Variants in ARHGEF4 observed in about 807,000 individuals in gnomAD.
The protein encoded by ARHGEF4 is APC-stimulated guanine nucleotide exchange factor 1.
In ARHGEF4, 119 loss-of-function variants were observed where a neutral mutation model predicts 162.0. That is an observed-to-expected ratio of 0.73 (90% CI 0.63 to 0.86). ARHGEF4 has a LOEUF of 0.86. Ranked by LOEUF, ARHGEF4 falls within the 40% of genes least tolerant of loss-of-function variation. The probability of loss-of-function intolerance (pLI) is 0.00; values close to 1 mark genes in which losing one functional copy is unlikely to be tolerated. For synonymous variants in ARHGEF4, 1,014 were observed against 979.9 expected (o/e 1.03, Z -0.65); for missense variants, 2,488 against 2,456.0 (o/e 1.01, Z -0.28).
At chr2:130,979,907 A>G (rs1686008518) in intron 4 of ARHGEF4, among the ~76,000 whole-genome samples, 1 of 152,090 alleles carries the variant, frequency 6.6e-6, no homozygotes, top group Non-Finnish European at 1.5e-5. Context: ...TAGAGAGGAA[A>G]CTTTCTCAAA....
intron 1 of ARHGEF4, among the ~76,000 whole-genome samples, chr2:130,878,028 T>C (rs1678964764): frequency 6.6e-6 from 1 of 152,170 alleles, no homozygotes; most frequent in Middle Eastern, 3.2e-3. Flanking sequence ...GAGGAGATGA[T>C]GGCACTCCTC....
intron 1 of ARHGEF4, among the ~76,000 whole-genome samples, chr2:130,895,827 C>T (rs892502376): frequency 6.6e-6 from 1 of 151,960 alleles, no homozygotes; most frequent in Non-Finnish European, 1.5e-5. Context: ...ACAGGAAGAG[C>T]CTTTAATTTG....
intron 1 of ARHGEF4, among the ~76,000 whole-genome samples, chr2:130,865,100 A>G (rs1403098480): frequency 6.6e-6 from 1 of 152,250 alleles, no homozygotes; most frequent in Non-Finnish European, 1.5e-5. Context: ...GGATTTGATT[A>G]TGAAATCTAC....
At chr2:131,045,676 G>A in intron 13 of ARHGEF4, 1 of 1,481,876 alleles carries the variant, frequency 6.7e-7, no homozygotes, top group South Asian at 1.4e-5. Flanking sequence ...CCCAGATCAG[G>A]GCCATTGGTG....
intron 8 of ARHGEF4, 102 bp downstream of exon 8, chr2:131,040,542 A>G (rs753805026): frequency 1.5e-6 from 2 of 1,311,714 alleles, no homozygotes; most frequent in African/African-American, 1.5e-5. Flanking sequence ...ACCTTCCACA[A>G]CGCCTGGGCC....
chr2:130,856,253 T>A (rs1439259387), intron 1 of ARHGEF4, among the ~76,000 whole-genome samples: 4 of 152,202 alleles, frequency 2.6e-5, no homozygotes, highest in Non-Finnish European at 2.9e-5. Flanking sequence ...ACAGTAGATT[T>A]GAGCTGGTAG....
At chr2:131,036,734 G>A (rs1453935445) in intron 5 of ARHGEF4, among the ~76,000 whole-genome samples, 1 of 152,222 alleles carries the variant, frequency 6.6e-6, no homozygotes, top group Non-Finnish European at 1.5e-5. Flanking sequence ...AACCTCCTGA[G>A]AAGGGAAGCA....
intron 3 of ARHGEF4, 28 bp from the exon 4 acceptor site, chr2:130,946,481 G>T (rs141182907): frequency 1.4e-5 from 23 of 1,587,652 alleles, no homozygotes. Flanking sequence ...TTCTTCATTT[G>T]CCCTCTGTCT....
rs551681451 is a variant in ARHGEF4, at chr2:130,841,161, T to C, written c.39+4169T>C. On this transcript the variant is annotated intron_variant, in intron 1 of 13. Transcript: ENST00000409359. ...CTCACTGCAACCTCCGTCTTCTGAG[T>C]TCAAGCAGTTCTCCTACCTCAGCCT... 2.6e-5 allele frequency among the ~76,000 whole-genome samples: 4 copies of C among 152,106 alleles called. No homozygotes were observed. The South Asian group carries it at 6.2e-4, about 24-fold the overall frequency.
chr2:131,037,120 G>T (rs536608617), intron 5 of ARHGEF4, among the ~76,000 whole-genome samples: 75 of 152,300 alleles, frequency 4.9e-4, no homozygotes, highest in South Asian at 4.6e-3. Flanking sequence ...GGGACCCCGT[G>T]GAGGCCTCTG....
chr2:130,836,976 T>C lies in ARHGEF4; in HGVS notation c.23T>C (p.Leu8Pro). MLSVVHF[L>P]RSFFKTPEPG... ...ACCATGCTCAGCGTCGTGCACTTCCTCCGGAGCTTCTTCAAGGTGAGAGCC... is the reference window on the plus strand; with the variant it reads ...ACCATGCTCAGCGTCGTGCACTTCCCCCGGAGCTTCTTCAAGGTGAGAGCC... The change falls in exon 1 of 14, where the codon CTC (leucine) becomes CCC (proline). Residue 8 changes from leucine (L) to proline (P), a missense_variant. Leu to Pro is a moderately conservative substitution (Grantham distance 98). Transcript: ENST00000409359. 8.2e-7 allele frequency: 1 copy of C among 1,226,764 alleles called. No homozygotes were observed. Among genetic ancestry groups the C allele is most frequent in the Non-Finnish European group, 1.0e-6 (1 of 984,788 alleles). The allele number at this position is 1,226,764 out of a possible 1,614,324, so 76.0% of individuals were successfully genotyped here.
chr2:130,846,881 C>T (rs890278694), intron 1 of ARHGEF4, among the ~76,000 whole-genome samples: 1 of 152,072 alleles, frequency 6.6e-6, no homozygotes, highest in East Asian at 1.9e-4. Flanking sequence ...CCCCGGGGGT[C>T]GAGTTATGTG....
chr2:130,960,537 A>G (rs1684567167), intron 4 of ARHGEF4, among the ~76,000 whole-genome samples: 2 of 152,178 alleles, frequency 1.3e-5, no homozygotes, highest in Non-Finnish European at 2.9e-5. Context: ...TCACCTAACA[A>G]CACATTTCTC....
intron 4 of ARHGEF4, among the ~76,000 whole-genome samples, chr2:130,992,171 G>A (rs1015057957): frequency 6.6e-6 from 1 of 152,078 alleles, no homozygotes; most frequent in African/African-American, 2.4e-5. Context: ...GATTGTAAAC[G>A]CACCAATCAG....
chr2:130,948,019 G>A (rs115707534), intron 4 of ARHGEF4, among the ~76,000 whole-genome samples: 2,346 of 152,368 alleles, frequency 0.015, 72 homozygotes, highest in African/African-American at 0.053. Context: ...TGGGAGGAGC[G>A]AGCTGGCAGT....
chr2:130,885,216 T>C (rs1271473739), intron 1 of ARHGEF4, among the ~76,000 whole-genome samples: 2 of 152,098 alleles, frequency 1.3e-5, no homozygotes, highest in Non-Finnish European at 2.9e-5. Context: ...ACTTGTGCAT[T>C]ACAGCCTGCT....
intron 4 of ARHGEF4, among the ~76,000 whole-genome samples, chr2:131,021,071 A>G (rs1164937796): frequency 2.6e-5 from 4 of 152,110 alleles, no homozygotes; most frequent in Non-Finnish European, 4.4e-5. Flanking sequence ...AGTTCATTGT[A>G]GATTCTGGAT....
chr2:130,945,920 A>G (rs1027923875), intron 3 of ARHGEF4, among the ~76,000 whole-genome samples: 3 of 152,340 alleles, frequency 2.0e-5, no homozygotes, highest in Admixed American at 2.0e-4. Flanking sequence ...GGGAAGAAGC[A>G]TTTATTTGAA....
chr2:131,015,170 C>A (rs186212200), intron 4 of ARHGEF4, among the ~76,000 whole-genome samples: 19 of 152,320 alleles, frequency 1.2e-4, no homozygotes, highest in Middle Eastern at 3.4e-3. Context: ...GAGAGAAGTT[C>A]AGTTTCTCCC....
Sources: allele counts gnomAD v4.1 joint callset (sites outside exome capture counted in the v4.1 genomes callset), GRCh38; gene constraint gnomAD v4.1.1; transcripts MANE v1.5; gene names NCBI Gene and HGNC (gene_info 2026-07-23, HGNC 2026-07-21).